ZCWPW2: variants seen among roughly 807,000 people sequenced by gnomAD.
ZCWPW2 encodes the protein zinc finger CW-type and PWWP domain containing 2.
ZCWPW2 carries 45 observed loss-of-function variants against 46.6 expected under a neutral mutation model. The ratio of observed to expected loss-of-function variants is 0.96; its 90% CI spans 0.76 to 1.24. The LOEUF (loss-of-function observed/expected upper bound fraction) is 1.24. Among genes scored for constraint, ZCWPW2 ranks in the 50% most tolerant of loss-of-function variants. The probability of loss-of-function intolerance (pLI) is 0.00; values close to 1 mark genes in which losing one functional copy is unlikely to be tolerated. For missense variants in ZCWPW2, 429 were observed against 403.9 expected, an observed-to-expected ratio of 1.06 and a Z score of -0.53; for synonymous variants, 152 against 137.1, an observed-to-expected ratio of 1.11 and a Z score of -0.76.
At position 28,399,768 on chromosome 3, in the gene ZCWPW2, G is replaced by C. The variant is rs1239787461; in HGVS notation, c.-14+9151G>C. On this transcript the variant is annotated intron_variant, in intron 2 of 9. Coordinates refer to ENST00000383768, the MANE Select transcript of ZCWPW2 (RefSeq NM_001040432.4). ...CAAGGTAATACCCCATAGGACAAAA[G>C]AATCTGAGCAACAGCAATTAACCCT... Among the ~76,000 whole-genome samples, 4 of 152,140 alleles carry C rather than the reference G, an allele frequency of 2.6e-5. No individual in the cohort carries two copies. In the East Asian group the frequency reaches 7.7e-4, roughly 29 times the overall value.
In ZCWPW2 at chr3:28,478,878, AT is replaced by A. The variant is rs1699328994; in HGVS notation, c.558del (p.Tyr186Ter). The A allele has an allele frequency of 2.5e-6, 4 of 1,590,332 alleles. No individual in the cohort carries two copies. The highest frequency in any genetic ancestry group is 3.4e-6 in the Non-Finnish European group (4 of 1,171,760). The stretch of plus-strand genomic sequence containing the variant: ...GCACTACAAGAAGCATGTCTACTCT[AT>A]GGATATTCTCATGAGCAAAGACTGG... ...KSALQEACLLYGYSHEQRLEM... is the reference protein window; with the variant it reads ...KSALQEACLLXGYSHEQRLEM... On this transcript the variant is annotated frameshift_variant, in exon 5 of 10. Transcript: ENST00000383768. LOFTEE classifies it high-confidence loss of function.
At chr3:28,485,278 C>A (rs930696872) in intron 5 of ZCWPW2, among the ~76,000 whole-genome samples, 4 of 151,990 alleles carry the variant, frequency 2.6e-5, no homozygotes, top group Non-Finnish European at 5.9e-5. Flanking sequence ...TGTATTATAT[C>A]TATTCTTTTA....
intron 8 of ZCWPW2, among the ~76,000 whole-genome samples, chr3:28,516,883 A>T (rs1225489728): frequency 6.6e-6 from 1 of 152,044 alleles, no homozygotes; most frequent in Non-Finnish European, 1.5e-5. Flanking sequence ...ATGGTGGCAC[A>T]TGCCTGTAGT....
chr3:28,478,380 A>T (rs73822644), intron 4 of ZCWPW2: 4,412 of 248,912 alleles, frequency 0.018, 168 homozygotes, highest in African/African-American at 0.087. Flanking sequence ...AGTAGCTGGG[A>T]ATTACAGGTG....
chr3:28,512,798 T>G (rs1442937359), intron 6 of ZCWPW2, among the ~76,000 whole-genome samples: 1 of 152,136 alleles, frequency 6.6e-6, no homozygotes, highest in African/African-American at 2.4e-5. Flanking sequence ...TGGCTCTTCT[T>G]AAAAATTCTT....
rs560481450 is a variant in ZCWPW2, at chr3:28,470,297, A to G, written c.493-8517A>G. ...ATCATGAAGTCAGGAGACCGAGACC[A>G]TCCTGGCCAACATGGTAAATAAAAC... On this transcript the variant is annotated intron_variant, in intron 4 of 9. Transcript: ENST00000383768. Among the ~76,000 whole-genome samples the G allele has an allele frequency of 6.6e-5, 10 of 152,302 alleles. No individual in the cohort carries two copies. In the East Asian group the frequency reaches 1.9e-3, roughly 29 times the overall value.
At chr3:28,483,967 A>G (rs947720004) in intron 5 of ZCWPW2, among the ~76,000 whole-genome samples, 1 of 151,938 alleles carries the variant, frequency 6.6e-6, no homozygotes, top group Non-Finnish European at 1.5e-5. Flanking sequence ...TATATCTTTT[A>G]TTTTCATTTA....
chr3:28,417,588 T>C (rs1489854489), intron 3 of ZCWPW2, among the ~76,000 whole-genome samples: 2 of 149,718 alleles, frequency 1.3e-5, no homozygotes, highest in Non-Finnish European at 1.5e-5. Flanking sequence ...ACCAATATCC[T>C]TGATGAACAT....
chr3:28,436,530 A>C (rs926163754), intron 4 of ZCWPW2, among the ~76,000 whole-genome samples: 1 of 152,086 alleles, frequency 6.6e-6, no homozygotes, highest in African/African-American at 2.4e-5. Flanking sequence ...TTTAATCCAC[A>C]GTAAAATTAA....
In ZCWPW2 at chr3:28,379,147, A is replaced by T. The variant is rs146489153; in HGVS notation, c.-133-11351A>T. On this transcript the variant is annotated intron_variant, in intron 1 of 9. Coordinates refer to ENST00000383768, the MANE Select transcript of ZCWPW2 (RefSeq NM_001040432.4). ...TGGTTCATAGCAAACCCTCAAGAAA[A>T]AGTTCTAGAACAAAGAAAATAGAAT... Among the ~76,000 whole-genome samples the T allele has an allele frequency of 2.5e-3, 387 of 152,270 alleles. 1 individual carries two copies. Among genetic ancestry groups the T allele is most frequent in the African/African-American group, 8.4e-3 (351 of 41,568 alleles).
intron 4 of ZCWPW2, among the ~76,000 whole-genome samples, chr3:28,446,872 A>C (rs1171100133): frequency 6.6e-6 from 1 of 152,280 alleles, no homozygotes; most frequent in African/African-American, 2.4e-5. Context: ...TGACTATAAG[A>C]GCATACTGTG....
intron 1 of ZCWPW2, among the ~76,000 whole-genome samples, chr3:28,388,162 C>G (rs569752892): frequency 1.5e-4 from 23 of 152,176 alleles, no homozygotes; most frequent in African/African-American, 5.1e-4. Context: ...ATGGATGACG[C>G]CCACCTACAT....
chr3:28,399,794 A>C (rs58457384), intron 2 of ZCWPW2, among the ~76,000 whole-genome samples: 3,989 of 152,290 alleles, frequency 0.026, 154 homozygotes, highest in African/African-American at 0.085. Flanking sequence ...AATTAACCCT[A>C]GACCTTCTGT....
intron 3 of ZCWPW2, among the ~76,000 whole-genome samples, chr3:28,427,460 G>A (rs1376553189): frequency 1.3e-5 from 2 of 152,158 alleles, no homozygotes; most frequent in East Asian, 1.9e-4. Flanking sequence ...GACTGAGTCA[G>A]AGAATTTCCC....
chr3:28,368,403 C>G (rs1705201178), intron 1 of ZCWPW2, among the ~76,000 whole-genome samples: 1 of 152,096 alleles, frequency 6.6e-6, no homozygotes, highest in Non-Finnish European at 1.5e-5. Flanking sequence ...AATTTTATTT[C>G]TTCTTCACTT....
intron 4 of ZCWPW2, among the ~76,000 whole-genome samples, chr3:28,441,665 T>G (rs1293343830): frequency 6.6e-6 from 1 of 152,154 alleles, no homozygotes. Flanking sequence ...CACTTCCCCA[T>G]GTACCTTACT....
Position 28,421,810 on chromosome 3 carries a change from G to A in ZCWPW2, c.332+8410G>A, listed in dbSNP as rs144140675. 4.4e-3 allele frequency among the ~76,000 whole-genome samples: 655 copies of A among 148,322 alleles called. 10 individuals are homozygous for A. Among genetic ancestry groups the A allele is most frequent in the African/African-American group, 0.015 (619 of 40,258 alleles). ...AGAAATGAATGTGCTTCATCTTGTTGAGAACCATATGTTGGAGAATAGTTT... is the reference window on the plus strand; with the variant it reads ...AGAAATGAATGTGCTTCATCTTGTTAAGAACCATATGTTGGAGAATAGTTT... On this transcript the variant is annotated intron_variant, in intron 3 of 9. Transcript: ENST00000383768.
intron 1 of ZCWPW2, among the ~76,000 whole-genome samples, chr3:28,370,679 G>C (rs1428516156): frequency 6.6e-6 from 1 of 152,140 alleles, no homozygotes; most frequent in Non-Finnish European, 1.5e-5. Context: ...GATTCATTGA[G>C]CCATGCAGTT....
chr3:28,489,670 A>ACACG (rs1329293253), intron 5 of ZCWPW2, among the ~76,000 whole-genome samples: 1 of 23,600 alleles, frequency 4.2e-5, no homozygotes, highest in Non-Finnish European at 1.9e-4. Context: ...ACACGCGCGC[A>ACACG]CACACACACA....
Sources: gnomAD v4.1 joint callset for allele counts (sites outside exome capture counted in the v4.1 genomes callset) on GRCh38, gnomAD v4.1.1 for gene constraint, MANE v1.5 for transcripts, NCBI Gene and HGNC (gene_info 2026-07-23, HGNC 2026-07-21) for gene names.